The following LSS variants were observed in gnomAD, a reference collection of about 807,000 sequenced individuals.
The protein encoded by LSS is 2,3-epoxysqualene-lanosterol cyclase.
LSS carries 90 observed loss-of-function variants against 110.3 expected under a neutral mutation model. That is an observed-to-expected ratio of 0.82 (90% CI 0.69 to 0.97). The LOEUF is 0.97. Ranked by LOEUF, LSS falls within the 50% of genes least tolerant of loss-of-function variation. The probability of loss-of-function intolerance (pLI) is 0.00; values close to 1 mark genes in which losing one functional copy is unlikely to be tolerated. For missense variants in LSS, 927 were observed against 990.0 expected (o/e 0.94, Z 0.85); for synonymous variants, 433 against 400.0 (o/e 1.08, Z -0.98).
rs1018537609 is a variant in LSS at position 46,225,886 on chromosome 21, C to T, written c.319+1666G>A. On this transcript the variant is annotated intron_variant, in intron 3 of 21. Transcript: ENST00000397728. ...GCAGCCTGGCATTCAGGGCCACTAC[C>T]GGTTTCCACGTCTTGGTGGTAGTGG... Among the ~76,000 whole-genome samples, 6 of 152,254 alleles carry T rather than the reference C, an allele frequency of 3.9e-5. No homozygotes were observed. The South Asian group carries it at 8.3e-4, about 21-fold the overall frequency.
rs527464718 is a variant in LSS at position 46,208,284 on chromosome 21, G to C, written c.1284C>G (p.Pro428=). ...TCTGGCGGTAGTACTTCTGGTAGTC[G>C]GGAGGGTTATCTGGGACCTGGGCAG... ...LRLSQVPDNP[P]DYQKYYRQMR... is the part of the protein sequence containing the mutation. Residue 428 remains proline (P), a synonymous_variant, in exon 14 of 22, where the codon CCC becomes CCG. Transcript: ENST00000397728. 2 of 1,552,766 alleles carry C rather than the reference G, an allele frequency of 1.3e-6. No individual in the cohort carries two copies. The highest frequency in any genetic ancestry group is 1.2e-5 in the South Asian group (1 of 84,086).
rs776163640 is a variant in LSS at position 46,215,721 on chromosome 21, A to G, written c.856T>C (p.Tyr286His). 6 of 1,612,670 alleles carry G rather than the reference A, an allele frequency of 3.7e-6. No homozygotes were observed. Among genetic ancestry groups the G allele is most frequent in the Non-Finnish European group, 4.2e-6 (5 of 1,179,424 alleles). Reference protein sequence around the residue: ...QRNNVAPDELYTPHSWLLRVV... With the variant: ...QRNNVAPDELHTPHSWLLRVV... The stretch of plus-strand genomic sequence containing the variant: ...CGGAGCAGCCAGCTGTGCGGCGTGT[A>G]CAGCTCGTCGGGGGCCACGTTGTTC... Residue 286 changes from tyrosine to histidine, a missense_variant, in exon 8 of 22, where the codon TAC (tyrosine) becomes CAC (histidine). By Grantham distance (83) the Tyr-to-His change is moderately conservative. Transcript: ENST00000397728.
intron 17 of LSS, among the ~76,000 whole-genome samples, chr21:46,200,937 C>T (rs999417424): frequency 1.3e-5 from 2 of 152,364 alleles, no homozygotes; most frequent in Admixed American, 6.5e-5. Flanking sequence ...GGTACACATC[C>T]TATCTGCAAA....
chr21:46,223,826 A>G (rs1221313326), intron 3 of LSS, among the ~76,000 whole-genome samples: 1 of 152,184 alleles, frequency 6.6e-6, no homozygotes, highest in Non-Finnish European at 1.5e-5. Flanking sequence ...TCTAGTGGTA[A>G]CGCCAGCGTC....
At chr21:46,227,451 G>A (rs2080355319) in intron 3 of LSS, 101 bp downstream of exon 3, 1 of 1,451,098 alleles carries the variant, frequency 6.9e-7, no homozygotes. Context: ...TGAGCCCCTG[G>A]ATTTTCACCT....
Position 46,207,318 on chromosome 21 carries a change from C to T in LSS, c.1467+110G>A, listed in dbSNP as rs564455596. Reference sequence around the variant, plus strand: ...GACACCATCCAAGGACAAGCTCCTACGGCCTGGCCGGACTGTGTGCTGGGC... The same window carrying T: ...GACACCATCCAAGGACAAGCTCCTATGGCCTGGCCGGACTGTGTGCTGGGC... On this transcript the variant is annotated intron_variant, in intron 15 of 21. Coordinates refer to ENST00000397728, the MANE Select transcript of LSS (RefSeq NM_002340.6). 667 of 1,350,974 alleles carry T rather than the reference C, an allele frequency of 4.9e-4. 1 individual carries two copies. The highest frequency in any genetic ancestry group is 6.4e-4 in the Non-Finnish European group (632 of 989,970). 83.7% of individuals were successfully genotyped at this position (1,350,974 alleles called of 1,614,324 possible).
At chr21:46,212,475 C>A (rs886092976) in intron 11 of LSS, among the ~76,000 whole-genome samples, 1 of 152,208 alleles carries the variant, frequency 6.6e-6, no homozygotes, top group African/African-American at 2.4e-5. Flanking sequence ...GTCTACAGGG[C>A]CCCCAGAGCC....
rs1010682795 is a variant in LSS at position 46,193,659 on chromosome 21, C to T, written c.1988+832G>A. Reference sequence around the variant, plus strand: ...TGCATCTGTCTCCATGTACCTATGTCTGTGTGTGGCACAGATGGGATGCTG... The same window carrying T: ...TGCATCTGTCTCCATGTACCTATGTTTGTGTGTGGCACAGATGGGATGCTG... On this transcript the variant is annotated intron_variant, in intron 20 of 21. Transcript: ENST00000397728. 1.8e-5 allele frequency: 8 copies of T among 449,906 alleles called. No individual in the cohort carries two copies. In the Admixed American group the frequency reaches 1.9e-4, roughly 11 times the overall value. The allele number at this position is 449,906 out of a possible 1,614,324, so 27.9% of individuals were successfully genotyped here.
chr21:46,208,922 T>C (rs1378520097), intron 13 of LSS, among the ~76,000 whole-genome samples: 1 of 151,898 alleles, frequency 6.6e-6, no homozygotes, highest in Non-Finnish European at 1.5e-5. Context: ...TAGTGAGAGC[T>C]GAAGGGAGGG....
chr21:46,223,556 T>C (rs1206578164), intron 3 of LSS, among the ~76,000 whole-genome samples: 1 of 152,262 alleles, frequency 6.6e-6, no homozygotes, highest in Non-Finnish European at 1.5e-5. Flanking sequence ...GGACACGAGC[T>C]GTTCCAGTAT....
chr21:46,228,150 T>C (rs1273182548), intron 2 of LSS, among the ~76,000 whole-genome samples: 2 of 152,330 alleles, frequency 1.3e-5, no homozygotes, highest in East Asian at 3.9e-4. Flanking sequence ...ACACTTTTTG[T>C]GAATAAAAAC....
chr21:46,222,801 C>G (rs911899708), intron 3 of LSS, 63 bp from the exon 4 acceptor site: 140 of 1,257,362 alleles, frequency 1.1e-4, no homozygotes, highest in Non-Finnish European at 1.6e-4. Context: ...AGACCAGGCC[C>G]CTTTCCTCCT....
At position 46,213,767 on chromosome 21, in the gene LSS, C is replaced by G; in HGVS notation, c.1080G>C (p.Glu360Asp). The G allele has an allele frequency of 6.2e-7, 1 of 1,614,118 alleles. No individual in the cohort carries two copies. The highest frequency in any genetic ancestry group is 8.5e-7 in the Non-Finnish European group (1 of 1,180,012). ...VDGPASTAFQ[E>D]HVSRIPDYLW... ...GATAGTCCGGGATTCTGGAGACATGCTCCTGGAAGGCAGTGGAGGCGGGCC... is the reference window on the plus strand; with the variant it reads ...GATAGTCCGGGATTCTGGAGACATGGTCCTGGAAGGCAGTGGAGGCGGGCC... Residue 360 changes from glutamate to aspartate, a missense_variant, in exon 10 of 22, where the codon GAG becomes GAC. Transcript: ENST00000397728.
At chr21:46,196,401 C>A in intron 17 of LSS, 134 bp from the exon 18 acceptor site, 1 of 720,510 alleles carries the variant, frequency 1.4e-6, no homozygotes, top group Non-Finnish European at 2.4e-6. Flanking sequence ...ACAGTTTACA[C>A]AGACCGATGA....
chr21:46,190,755 A>G lies in LSS; in HGVS notation c.*349T>C, dbSNP rs576936359. 8 of 266,112 alleles carry G rather than the reference A, an allele frequency of 3.0e-5. No homozygotes were observed. The highest frequency in any genetic ancestry group is 2.4e-4 in the Admixed American group (5 of 21,264). The allele number at this position is 266,112 out of a possible 1,614,324, so 16.5% of individuals were successfully genotyped here. A position where few individuals can be genotyped will look rare whatever the true frequency, so the allele number is the denominator to read the frequency against. On this transcript the variant is annotated 3_prime_UTR_variant, in exon 22 of 22. Transcript: ENST00000397728. This position sits in a 1 kb window ranked among gnomAD's most constrained non-coding sequence, Gnocchi z 4.6. The stretch of plus-strand genomic sequence containing the variant: ...CACAGGCACAGCTGCTCCTCTCCCA[A>G]GAACTCAGCTATTGGTCAGAAAAAA...
At chr21:46,205,093 C>A (rs1007469755) in intron 17 of LSS, among the ~76,000 whole-genome samples, 2 of 152,176 alleles carry the variant, frequency 1.3e-5, no homozygotes, top group African/African-American at 4.8e-5. Context: ...CTCCTAGGTA[C>A]GTGACCATGA....
chr21:46,215,598 G>A, intron 8 of LSS, 87 bp downstream of exon 8: 6 of 929,712 alleles, frequency 6.5e-6, no homozygotes, highest in Non-Finnish European at 8.0e-6. Flanking sequence ...GCCCAGTGCC[G>A]CTGGCAGGGG....
intron 17 of LSS, among the ~76,000 whole-genome samples, chr21:46,196,943 G>T (rs1442018688): frequency 4.6e-5 from 7 of 152,242 alleles, no homozygotes; most frequent in Non-Finnish European, 1.0e-4. Flanking sequence ...ATCGTGCCGA[G>T]GACCCTGTGT....
intron 17 of LSS, among the ~76,000 whole-genome samples, chr21:46,197,028 G>A (rs538105269): frequency 1.5e-4 from 23 of 152,370 alleles, no homozygotes; most frequent in Admixed American, 1.2e-3. Flanking sequence ...ACTGAAGCCC[G>A]GAGAGACCCT....
Sources: gnomAD v4.1 joint callset for allele counts (sites outside exome capture counted in the v4.1 genomes callset) on GRCh38, gnomAD v4.1.1 for gene constraint, Gnocchi (gnomAD v3.1) non-coding constraint, MANE v1.5 for transcripts, NCBI Gene and HGNC (gene_info 2026-07-23, HGNC 2026-07-21) for gene names.